FRYL: variants seen among roughly 807,000 people sequenced by gnomAD.
The protein encoded by FRYL is protein furry homolog-like.
In FRYL, 150 loss-of-function variants were observed where a neutral mutation model predicts 351.2. The ratio of observed to expected loss-of-function variants is 0.43; its 90% confidence interval spans 0.37 to 0.49. The LOEUF (loss-of-function observed/expected upper bound fraction) is 0.49, where lower values mean the gene tolerates loss of function less well. FRYL is among the 20% of genes least tolerant of loss of function. The pLI is 0.00. For synonymous variants in FRYL, 1,153 were observed against 1,257.1 expected (o/e 0.92, Z 1.75); for missense variants, 3,036 against 3,619.3 (o/e 0.84, Z 4.13).
chr4:48,501,740 A>G lies in FRYL; in HGVS notation c.8482-7T>C. 1 of 1,435,162 alleles carries G rather than the reference A, an allele frequency of 7.0e-7. No homozygotes were observed. The highest frequency in any genetic ancestry group is 9.8e-7 in the Non-Finnish European group (1 of 1,022,008). The allele number at this position is 1,435,162 out of a possible 1,614,324, so 88.9% of individuals were successfully genotyped here. ...TTCGGCAGAGCTCCAATTCCTAGAA[A>G]TAAATAACATTACATTAAATTTAGG... On this transcript the variant is annotated splice_polypyrimidine_tract_variant and splice_region_variant and intron_variant, in intron 61 of 63. Coordinates refer to ENST00000358350, the MANE Select transcript of FRYL (RefSeq NM_015030.2).
intron 38 of FRYL, among the ~76,000 whole-genome samples, chr4:48,550,312 A>T (rs1732408894): frequency 6.6e-6 from 1 of 152,098 alleles, no homozygotes; most frequent in African/African-American, 2.4e-5. Flanking sequence ...GCTAAAAAAA[A>T]TCAGCCTGTT....
intron 7 of FRYL, among the ~76,000 whole-genome samples, chr4:48,617,023 CT>C (rs1749610285): frequency 6.6e-6 from 1 of 151,970 alleles, no homozygotes; most frequent in Non-Finnish European, 1.5e-5. Flanking sequence ...AAAGACTTGC[CT>C]TTTACCAGCG....
chr4:48,715,329 A>T (rs908934858), intron 1 of FRYL, among the ~76,000 whole-genome samples: 3 of 152,182 alleles, frequency 2.0e-5, no homozygotes, highest in African/African-American at 7.2e-5. Flanking sequence ...GAGGGAGTCA[A>T]ATTGTCCCTG....
intron 1 of FRYL, among the ~76,000 whole-genome samples, chr4:48,750,240 C>A (rs1051018053): frequency 6.6e-6 from 1 of 151,596 alleles, no homozygotes; most frequent in Non-Finnish European, 1.5e-5. Flanking sequence ...GCGAACAAAT[C>A]GCTTGAGTCC....
chr4:48,717,435 T>C (rs1768993214), intron 1 of FRYL, among the ~76,000 whole-genome samples: 1 of 151,394 alleles, frequency 6.6e-6, no homozygotes. Context: ...AGATAGGTGG[T>C]GACTATTAAT....
chr4:48,650,478 C>T (rs1265504392), intron 3 of FRYL, among the ~76,000 whole-genome samples: 1 of 152,110 alleles, frequency 6.6e-6, no homozygotes, highest in African/African-American at 2.4e-5. Flanking sequence ...AAGAAGAGAA[C>T]AGATGAAGCA....
chr4:48,594,410 G>A (rs1744179075), intron 15 of FRYL, among the ~76,000 whole-genome samples: 1 of 152,012 alleles, frequency 6.6e-6, no homozygotes, highest in Non-Finnish European at 1.5e-5. Flanking sequence ...GGGGGGTGGG[G>A]GGAAGTTAAC....
intron 3 of FRYL, among the ~76,000 whole-genome samples, chr4:48,676,547 A>AT (rs60426434): frequency 0.02 from 2,759 of 136,042 alleles, 45 homozygotes; most frequent in African/African-American, 0.038. Flanking sequence ...AGGCCCGGCT[A>AT]TTTTTTTTTT....
At chr4:48,550,731 C>A in intron 37 of FRYL, 27 bp from the exon 38 acceptor site, 1 of 1,446,464 alleles carries the variant, frequency 6.9e-7, no homozygotes, top group South Asian at 1.1e-5. Flanking sequence ...TGAAGTTAGT[C>A]ACAGTTCACG....
chr4:48,711,558 C>T (rs35224901), intron 1 of FRYL, among the ~76,000 whole-genome samples: 2,712 of 152,276 alleles, frequency 0.018, 15 homozygotes, highest in Middle Eastern at 0.041. Flanking sequence ...ACAAAGCAGC[C>T]GGGAAGCTCG....
chr4:48,736,052 A>G (rs1356986642), intron 1 of FRYL, among the ~76,000 whole-genome samples: 5 of 151,990 alleles, frequency 3.3e-5, no homozygotes, highest in South Asian at 2.1e-4. Context: ...CTAAAAATCA[A>G]TAACAGAGAG....
intron 38 of FRYL, 196 bp downstream of exon 38, chr4:48,550,396 T>C: frequency 1.8e-6 from 1 of 546,862 alleles, no homozygotes; most frequent in Non-Finnish European, 3.2e-6. Context: ...AGGAAACCAG[T>C]GCTTTAAAAA....
intron 55 of FRYL, among the ~76,000 whole-genome samples, chr4:48,516,298 A>G (rs768663967): frequency 3.9e-5 from 6 of 152,234 alleles, no homozygotes; most frequent in Non-Finnish European, 8.8e-5. Flanking sequence ...CCGTAATGTT[A>G]CTGAAACAAT....
At chr4:48,673,193 A>T (rs939554935) in intron 3 of FRYL, among the ~76,000 whole-genome samples, 36 of 152,214 alleles carry the variant, frequency 2.4e-4, no homozygotes, top group Admixed American at 5.2e-4. Flanking sequence ...CCATTTACTT[A>T]ATCAGTTTAT....
intron 3 of FRYL, among the ~76,000 whole-genome samples, chr4:48,645,763 A>G (rs1756341940): frequency 6.6e-6 from 1 of 152,166 alleles, no homozygotes; most frequent in Non-Finnish European, 1.5e-5. Context: ...TCTATACAAT[A>G]ATTTTACTTA....
At chr4:48,756,220 A>G (rs1773757771) in intron 1 of FRYL, among the ~76,000 whole-genome samples, 1 of 151,436 alleles carries the variant, frequency 6.6e-6, no homozygotes, top group African/African-American at 2.4e-5. Context: ...GCAACAGAGC[A>G]AGACTTTGTC....
At chr4:48,738,701 C>T (rs193218167) in intron 1 of FRYL, among the ~76,000 whole-genome samples, 3 of 147,336 alleles carry the variant, frequency 2.0e-5, no homozygotes, top group Non-Finnish European at 4.5e-5. Flanking sequence ...GACAGGGTCT[C>T]GCTATGCTGC....
chr4:48,535,685 G>A lies in FRYL; in HGVS notation c.6536C>T (p.Thr2179Ile). ...TGCAAGATAAGTCACAAGATTAAAT[G>A]TTGTATCTGAGAAGGAGTCATGCAG... ...RYLHDSFSDTTFNLVTYLAEL... is the reference protein window; with the variant it reads ...RYLHDSFSDTIFNLVTYLAEL... The change falls in exon 48 of 64, where the codon ACA becomes ATA. Residue 2179 changes from threonine to isoleucine, a missense_variant. Thr to Ile is a moderately conservative substitution (Grantham distance 89, BLOSUM62 -1). Coordinates refer to ENST00000358350, the MANE Select transcript of FRYL (RefSeq NM_015030.2). The A allele has an allele frequency of 6.3e-7, 1 of 1,588,096 alleles. No individual in the cohort carries two copies. Among genetic ancestry groups the A allele is most frequent in the Non-Finnish European group, 8.5e-7 (1 of 1,170,376 alleles).
At position 48,562,917 on chromosome 4, in the gene FRYL, A is replaced by C. The variant is rs771171252; in HGVS notation, c.3668T>G (p.Ile1223Ser). The C allele has an allele frequency of 1.7e-5, 28 of 1,604,924 alleles. No homozygotes were observed. Among genetic ancestry groups the C allele is most frequent in the Non-Finnish European group, 2.4e-5 (28 of 1,173,514 alleles). Residue 1223 changes from isoleucine (I) to serine (S), a missense_variant, in exon 32 of 64, where the codon ATC becomes AGC. Transcript: ENST00000358350. ...TAAAAGTTGCATAGCAACTTCATAGATACTTCTAGAAGAATCAGCTGCTTT... is the reference window on the plus strand; with the variant it reads ...TAAAAGTTGCATAGCAACTTCATAGCTACTTCTAGAAGAATCAGCTGCTTT... ...LFKAADSSRS[I>S]YEVAMQLLQI... is the part of the protein sequence containing the mutation.
Sources: gnomAD v4.1 joint callset for allele counts (sites outside exome capture counted in the v4.1 genomes callset) on GRCh38, gnomAD v4.1.1 for gene constraint, MANE v1.5 for transcripts, NCBI Gene and HGNC (gene_info 2026-07-23, HGNC 2026-07-21) for gene names.